The following KMT2A variants were observed in gnomAD, a reference collection of about 807,000 sequenced individuals.
KMT2A encodes lysine methyltransferase 2A, also known as histone-lysine N-methyltransferase 2A.
Under a neutral mutation model 345.3 loss-of-function variants are expected in KMT2A, and 16 were observed. The observed-to-expected ratio is 0.05, with a 90% CI of 0.03 to 0.07. The LOEUF is 0.07. Ranked by LOEUF, KMT2A falls within the 10% of genes least tolerant of loss-of-function variation. The pLI is 1.00. For missense variants in KMT2A, 3,272 were observed against 4,841.6 expected (o/e 0.68, Z 9.62); for synonymous variants, 1,599 against 1,778.6 (o/e 0.90, Z 2.54).
rs915400934 is a variant in KMT2A, at chr11:118,498,742, C to T, written c.5961+214C>T. Among the ~76,000 whole-genome samples, 1 of 152,138 alleles carries T rather than the reference C, an allele frequency of 6.6e-6. No homozygotes were observed. Among genetic ancestry groups the T allele is most frequent in the Non-Finnish European group, 1.5e-5 (1 of 68,030 alleles). On this transcript the variant is annotated intron_variant, in intron 22 of 35. Coordinates refer to ENST00000534358, the MANE Select transcript of KMT2A (RefSeq NM_001197104.2). The surrounding 1 kb of genome is among the most constrained non-coding windows in gnomAD (Gnocchi z 4.4). ...ACTGGACACATGGTTATCACCCTGA[C>T]TCCTGTAGTTTACATCAGCATTCAC... is the stretch of plus-strand genomic sequence containing the variant.
At chr11:118,483,175 G>T (rs1351998858) in intron 8 of KMT2A, among the ~76,000 whole-genome samples, 1 of 151,264 alleles carries the variant, frequency 6.6e-6, no homozygotes, top group Non-Finnish European at 1.5e-5. Flanking sequence ...GGAGGCTGCA[G>T]TGAGCCGAGA....
At chr11:118,507,083 G>A (rs557830458) in intron 27 of KMT2A, among the ~76,000 whole-genome samples, 10 of 152,268 alleles carry the variant, frequency 6.6e-5, no homozygotes, top group Non-Finnish European at 1.5e-4. Context: ...GATTGCTGGA[G>A]CTCAGGAGTT....
intron 1 of KMT2A, among the ~76,000 whole-genome samples, chr11:118,440,756 C>T (rs1310652845): frequency 6.7e-6 from 1 of 150,062 alleles, no homozygotes; most frequent in Non-Finnish European, 1.5e-5. Flanking sequence ...AGTACTCCTG[C>T]AGCTGAAAGG....
Position 118,496,458 on chromosome 11 carries a change from T to C in KMT2A, c.5664+91T>C. On this transcript the variant is annotated intron_variant, in intron 20 of 35. Transcript: ENST00000534358. The surrounding 1 kb of genome is among the most constrained non-coding windows in gnomAD (Gnocchi z 4.7). Reference sequence around the variant, plus strand: ...CCATACTTGATGACTGGGTGCCATTTATTTAATGAACTTACTTATAACTTA... The same window carrying C: ...CCATACTTGATGACTGGGTGCCATTCATTTAATGAACTTACTTATAACTTA... 1 of 802,104 alleles carries C rather than the reference T, an allele frequency of 1.2e-6. No individual in the cohort carries two copies. The allele number at this position is 802,104 out of a possible 1,614,324, so 49.7% of individuals were successfully genotyped here. A position where few individuals can be genotyped will look rare whatever the true frequency, so the allele number is the denominator to read the frequency against.
intron 1 of KMT2A, among the ~76,000 whole-genome samples, chr11:118,457,045 A>G (rs1044368125): frequency 2.4e-4 from 36 of 152,166 alleles, no homozygotes; most frequent in Middle Eastern, 6.8e-3. Context: ...CTTAATCCGT[A>G]TGGCCACTAC....
In KMT2A at chr11:118,491,677, A is replaced by C; in HGVS notation, c.4820-67A>C. The C allele has an allele frequency of 1.6e-6, 2 of 1,219,776 alleles. No homozygotes were observed. Among genetic ancestry groups the C allele is most frequent in the Non-Finnish European group, 2.3e-6 (2 of 865,326 alleles). 75.6% of individuals were successfully genotyped at this position (1,219,776 alleles called of 1,614,324 possible). A position where few individuals can be genotyped will look rare whatever the true frequency, so the allele number is the denominator to read the frequency against. ...GGCTTTATAGTAAGTTCAGTGGAAT[A>C]GTTTCCTCTTCTTCCTCTCTCTCAT... On this transcript the variant is annotated intron_variant, in intron 14 of 35. Transcript: ENST00000534358. The surrounding 1 kb of genome is among the most constrained non-coding windows in gnomAD (Gnocchi z 4.2).
chr11:118,446,115 G>A (rs550647979), intron 1 of KMT2A, among the ~76,000 whole-genome samples: 2 of 151,566 alleles, frequency 1.3e-5, no homozygotes, highest in Admixed American at 1.3e-4. Flanking sequence ...TTGGAAGGCC[G>A]AGGCAGGCAG....
chr11:118,513,937 CAAAAAAAAAAAA>C (rs1178939991), intron 31 of KMT2A, among the ~76,000 whole-genome samples: 1 of 47,370 alleles, frequency 2.1e-5, no homozygotes, highest in East Asian at 5.9e-4. Context: ...GACCCTGTCT[CAAAAAAAAAAAA>C]AAAAAAAAAG....
rs1358801634 is a variant in KMT2A, at chr11:118,497,821, A to G, written c.5665-115A>G. On this transcript the variant is annotated intron_variant, in intron 20 of 35. Transcript: ENST00000534358. The surrounding 1 kb of genome is among the most constrained non-coding windows in gnomAD (Gnocchi z 4.8). ...TTCTGATTTCTGTGTGCCTCCCTCC[A>G]TTAAAGAATTATAGTTGCTTTCTTG... 1.2e-5 allele frequency: 9 copies of G among 744,060 alleles called. No individual in the cohort carries two copies. In the African/African-American group the frequency reaches 1.6e-4, roughly 13 times the overall value. The allele number at this position is 744,060 out of a possible 1,614,324, so 46.1% of individuals were successfully genotyped here.
Position 118,509,142 on chromosome 11 carries a change from C to A in KMT2A, c.10842C>A (p.Val3614=), listed in dbSNP as rs370781768. Residue 3614 remains valine, a synonymous_variant, in exon 29 of 36, where the codon GTC becomes GTA. Coordinates refer to ENST00000534358, the MANE Select transcript of KMT2A (RefSeq NM_001197104.2). Reference sequence around the variant, plus strand: ...ACATTTGGTTTTTATTTAGGCAAGTCGCTGTTCTTCCGGAAGTTCAGGTGA... The same window carrying A: ...ACATTTGGTTTTTATTTAGGCAAGTAGCTGTTCTTCCGGAAGTTCAGGTGA... The part of the protein sequence containing the change: ...QKECGQPAGQ[V]AVLPEVQVTQ... 1.2e-6 allele frequency: 2 copies of A among 1,613,508 alleles called. No individual in the cohort carries two copies. The highest frequency in any genetic ancestry group is 2.2e-5 in the South Asian group (2 of 91,032).
intron 1 of KMT2A, among the ~76,000 whole-genome samples, chr11:118,458,802 A>G (rs547387693): frequency 1.3e-5 from 2 of 152,342 alleles, no homozygotes; most frequent in East Asian, 3.8e-4. Flanking sequence ...GGGAAGTGGT[A>G]TTCTTTTTAA....
Position 118,499,845 on chromosome 11 carries a change from A to C in KMT2A, c.6090A>C (p.Thr2030=), listed in dbSNP as rs1591276919. ...TCTTTCCTTGGTCAGGGTCTATGAC[A>C]ATCGACTGCTTAGGAATTCTAAATG... ...ENIHMMIGSM[T]IDCLGILNDL... The change falls in exon 24 of 36, where the codon ACA becomes ACC. Residue 2030 remains threonine (T), a synonymous_variant. Coordinates refer to ENST00000534358, the MANE Select transcript of KMT2A (RefSeq NM_001197104.2). 1.2e-6 allele frequency: 2 copies of C among 1,610,828 alleles called. No homozygotes were observed. Among genetic ancestry groups the C allele is most frequent in the Non-Finnish European group, 1.7e-6 (2 of 1,177,122 alleles).
In KMT2A at chr11:118,495,823, T is replaced by A. The variant is rs1218709058; in HGVS notation, c.5487T>A (p.Ala1829=). 1 of 1,613,936 alleles carries A rather than the reference T, an allele frequency of 6.2e-7. No homozygotes were observed. Among genetic ancestry groups the A allele is most frequent in the Non-Finnish European group, 8.5e-7 (1 of 1,180,006 alleles). The part of the protein sequence containing the change: ...QPPLMKKIIP[A]PKPKGPGEPD... ...CTTTAATGAAGAAAATCATTCCAGC[T>A]CCCAAACCCAAAGGTCCTGGAGAAC... Residue 1829 remains alanine (A), a synonymous_variant, in exon 19 of 36, where the codon GCT becomes GCA. Transcript: ENST00000534358. The surrounding 1 kb of genome is among the most constrained non-coding windows in gnomAD (Gnocchi z 4.1).
Position 118,501,094 on chromosome 11 carries a change from C to A in KMT2A, c.6266C>A (p.Thr2089Asn), listed in dbSNP as rs782360640. ...GTCGTAGAGCCGGATATCAACAGCA[C>A]TGTTGAACATGATGAAAACAGGACC... ...PPVVEPDINS[T>N]VEHDENRTIA... The change falls in exon 25 of 36, where the codon ACT becomes AAT. Residue 2089 changes from threonine to asparagine, a missense_variant. Thr to Asn is a moderately conservative substitution (Grantham distance 65, BLOSUM62 0). Coordinates refer to ENST00000534358, the MANE Select transcript of KMT2A (RefSeq NM_001197104.2). 27 of 1,614,108 alleles carry A rather than the reference C, an allele frequency of 1.7e-5. No individual in the cohort carries two copies. The highest frequency in any genetic ancestry group is 2.3e-5 in the Non-Finnish European group (27 of 1,179,990).
Position 118,493,672 on chromosome 11 carries a change from T to G in KMT2A, c.5178+442T>G, listed in dbSNP as rs1258026071. On this transcript the variant is annotated intron_variant, in intron 16 of 35. Coordinates refer to ENST00000534358, the MANE Select transcript of KMT2A (RefSeq NM_001197104.2). The surrounding 1 kb of genome is among the most constrained non-coding windows in gnomAD (Gnocchi z 5.8). ...GTATAGGAAATGATTATTTATTATC[T>G]CATGATCTATATTTGCGATTCTGTT... 1.3e-5 allele frequency among the ~76,000 whole-genome samples: 2 copies of G among 152,166 alleles called. No individual in the cohort carries two copies. Among genetic ancestry groups the G allele is most frequent in the Non-Finnish European group, 2.9e-5 (2 of 68,014 alleles).
At chr11:118,519,328 C>T (rs901439213) in intron 31 of KMT2A, 6 of 282,520 alleles carry the variant, frequency 2.1e-5, no homozygotes, top group Non-Finnish European at 2.7e-5. Context: ...TGAAATAACA[C>T]GTGTATATAG....
chr11:118,453,964 A>G (rs1949591301), intron 1 of KMT2A, among the ~76,000 whole-genome samples: 1 of 152,136 alleles, frequency 6.6e-6, no homozygotes, highest in Non-Finnish European at 1.5e-5. Context: ...AACATGTAAG[A>G]TTTATCGTCG....
chr11:118,507,451 T>G, intron 27 of KMT2A, 78 bp from the exon 28 acceptor site: 1 of 1,272,206 alleles, frequency 7.9e-7, no homozygotes, highest in Non-Finnish European at 1.1e-6. Context: ...ATAGAGCCAT[T>G]TCTTTCGACT....
chr11:118,492,975 A>G (rs749700173), intron 15 of KMT2A, 82 bp from the exon 16 acceptor site: 1 of 1,048,666 alleles, frequency 9.5e-7, no homozygotes, highest in Non-Finnish European at 1.4e-6. Flanking sequence ...ATTCAGTACC[A>G]TCTTTATTAA....
Sources: allele counts gnomAD v4.1 joint callset (sites outside exome capture counted in the v4.1 genomes callset), GRCh38; gene constraint gnomAD v4.1.1; non-coding constraint Gnocchi (gnomAD v3.1); transcripts MANE v1.5; gene names NCBI Gene and HGNC (gene_info 2026-07-23, HGNC 2026-07-21).